SYNE2: variants seen among roughly 807,000 people sequenced by gnomAD.
SYNE2 encodes the protein spectrin repeat containing nuclear envelope protein 2, also known as nesprin-2.
A neutral mutation model predicts 856.3 loss-of-function variants in SYNE2; 431 were observed. The ratio of observed to expected loss-of-function variants is 0.50; its 90% CI spans 0.47 to 0.55. SYNE2 has a LOEUF of 0.55. Ranked by LOEUF, SYNE2 falls within the 20% of genes least tolerant of loss-of-function variation. The pLI is 0.00. For missense variants in SYNE2, 8,129 were observed against 8,023.2 expected (o/e 1.01, Z -0.50); for synonymous variants, 2,923 against 2,872.3 (o/e 1.02, Z -0.56).
intron 61 of SYNE2, among the ~76,000 whole-genome samples, 193 bp downstream of exon 61, chr14:64,093,673 TATC>T (rs975745404): frequency 1.3e-5 from 2 of 152,214 alleles, no homozygotes; most frequent in African/African-American, 4.8e-5. Context: ...ATTATATAAT[TATC>T]ATTACTAAAA....
chr14:63,965,972 A>T (rs1365552055), intron 10 of SYNE2, among the ~76,000 whole-genome samples: 1 of 152,336 alleles, frequency 6.6e-6, no homozygotes, highest in East Asian at 1.9e-4. Context: ...AGAAGGCTTT[A>T]TGAAGTCATT....
chr14:63,945,104 CTTTTT>C (rs34692882), intron 6 of SYNE2, among the ~76,000 whole-genome samples: 67 of 106,248 alleles, frequency 6.3e-4, no homozygotes, highest in African/African-American at 1.9e-3. Flanking sequence ...CACACCTGGC[CTTTTT>C]TTTTTTTTTT....
chr14:64,007,168 A>G lies in SYNE2; in HGVS notation c.4523A>G (p.Gln1508Arg), dbSNP rs374305796. Residue 1508 changes from glutamine to arginine, a missense_variant, in exon 31 of 116, where the codon CAG becomes CGG. Transcript: ENST00000555002. ...KDGREKTVNQ[Q>R]CQNTVVLWEN... ...GGCAGAGAAAAAACCGTGAATCAAC[A>G]GTGCCAAAATACAGTAGTCTTGTGG... 1.1e-5 allele frequency: 17 copies of G among 1,614,124 alleles called. No individual in the cohort carries two copies. The highest frequency in any genetic ancestry group is 1.4e-5 in the Non-Finnish European group (17 of 1,180,040).
chr14:63,936,436 C>T (rs184501899), intron 2 of SYNE2, among the ~76,000 whole-genome samples: 25 of 152,176 alleles, frequency 1.6e-4, no homozygotes, highest in Non-Finnish European at 2.8e-4. Flanking sequence ...AATTTTAGAT[C>T]GGACAGTCAG....
chr14:63,990,640 A>G, intron 20 of SYNE2, 71 bp downstream of exon 20: 1 of 1,347,130 alleles, frequency 7.4e-7, no homozygotes, highest in African/African-American at 1.4e-5. Context: ...TGGGCAGTGA[A>G]GGGGGGTGAT....
At chr14:64,129,552 A>G (rs1449965803) in intron 74 of SYNE2, among the ~76,000 whole-genome samples, 2 of 152,182 alleles carry the variant, frequency 1.3e-5, no homozygotes, top group Non-Finnish European at 2.9e-5. Flanking sequence ...GCTGTGGTGC[A>G]GTTCATTGAG....
At chr14:63,878,717 AT>A (rs1269897812) in intron 1 of SYNE2, among the ~76,000 whole-genome samples, 12 of 151,670 alleles carry the variant, frequency 7.9e-5, no homozygotes, top group African/African-American at 2.9e-4. Flanking sequence ...TAAATTTTGT[AT>A]TTTTAGTAGA....
chr14:63,974,890 G>GTATA lies in SYNE2; in HGVS notation c.1129-1672_1129-1671insATAT, dbSNP rs1281921502. On this transcript the variant is annotated intron_variant, in intron 11 of 115. Coordinates refer to ENST00000555002, the MANE Select transcript of SYNE2 (RefSeq NM_182914.3). ...TGTGTGTGTGTGTGTGTGTGTGTGTGTGTATATATATATATATATATATAT... is the reference window on the plus strand; with the variant it reads ...TGTGTGTGTGTGTGTGTGTGTGTGTGTATATGTATATATATATATATATATATAT... Among the ~76,000 whole-genome samples the GTATA allele has an allele frequency of 8.9e-3, 244 of 27,466 alleles. 1 individual carries two copies. The highest frequency in any genetic ancestry group is 0.013 in the Non-Finnish European group (185 of 14,078). 18.0% of individuals were successfully genotyped at this position (27,466 alleles called of 152,430 possible).
intron 94 of SYNE2, among the ~76,000 whole-genome samples, chr14:64,174,561 G>A (rs912636592): frequency 2.4e-4 from 36 of 152,172 alleles, no homozygotes; most frequent in Middle Eastern, 6.8e-3. Flanking sequence ...TTTGTTTAGC[G>A]TAATATAAGG....
chr14:63,957,264 A>ATT (rs4027476), intron 8 of SYNE2, among the ~76,000 whole-genome samples: 48,564 of 110,078 alleles, frequency 0.44, 11,793 homozygotes, highest in Non-Finnish European at 0.52. Context: ...TGCCCAGCTA[A>ATT]TTTTTTTTTT....
intron 1 of SYNE2, among the ~76,000 whole-genome samples, chr14:63,858,217 G>C (rs532457298): frequency 7.2e-6 from 1 of 138,678 alleles, no homozygotes; most frequent in South Asian, 2.5e-4. Context: ...CTGGGTTCTA[G>C]TGATTGTGGT....
Position 64,163,498 on chromosome 14 carries a change from A to G in SYNE2, c.16396A>G (p.Met5466Val), listed in dbSNP as rs145617923. 5.6e-6 allele frequency: 9 copies of G among 1,613,988 alleles called. No homozygotes were observed. Among genetic ancestry groups the G allele is most frequent in the African/African-American group, 2.7e-5 (2 of 74,900 alleles). The change falls in exon 89 of 116, where the codon ATG becomes GTG. Residue 5466 changes from methionine (M) to valine (V), a missense_variant. This residue lies in a region of SYNE2 where 5,410 missense variants were observed against 5,284.8 expected (regional missense o/e 1.02). Coordinates refer to ENST00000555002, the MANE Select transcript of SYNE2 (RefSeq NM_182914.3). ...ACAACCCGCAGAGTCCAGCACCCAC[A>G]TGCTCCTCCCGGGCCCCCTGCACTC... ...LPQPAESSTH[M>V]LLPGPLHSLQ... is the part of the protein sequence containing the mutation.
chr14:64,033,756 T>C (rs1490808862), intron 45 of SYNE2, among the ~76,000 whole-genome samples: 1 of 152,192 alleles, frequency 6.6e-6, no homozygotes, highest in Non-Finnish European at 1.5e-5. Flanking sequence ...TAAGAGTTAT[T>C]GATAGTTTAT....
Position 64,162,347 on chromosome 14 carries a change from C to T in SYNE2, c.16299+71C>T, listed in dbSNP as rs2098336177. ...CAGATGGGGTAAGGGACAGCCATGA[C>T]CTGGGGACCAGACAGACCACAGGGA... On this transcript the variant is annotated intron_variant, in intron 88 of 115. Transcript: ENST00000555002. The T allele has an allele frequency of 2.0e-6, 3 of 1,491,404 alleles. No homozygotes were observed. In the Admixed American group the frequency reaches 5.1e-5, roughly 25 times the overall value. 92.4% of individuals were successfully genotyped at this position (1,491,404 alleles called of 1,614,324 possible).
chr14:63,916,786 A>T (rs1029368174), intron 2 of SYNE2, among the ~76,000 whole-genome samples: 1 of 152,132 alleles, frequency 6.6e-6, no homozygotes, highest in Non-Finnish European at 1.5e-5. Flanking sequence ...GAGGAACACT[A>T]TTAATAAAAG....
chr14:64,188,833 G>C (rs767230373), intron 98 of SYNE2, 125 bp downstream of exon 98: 24 of 1,011,368 alleles, frequency 2.4e-5, no homozygotes, highest in Non-Finnish European at 3.2e-5. Context: ...AATTTGAAGG[G>C]ACTTCACTAT....
intron 2 of SYNE2, 58 bp downstream of exon 2, chr14:63,909,285 C>A: frequency 8.4e-7 from 1 of 1,189,774 alleles, no homozygotes; most frequent in Non-Finnish European, 1.3e-6. Flanking sequence ...TTACTTTTAT[C>A]TAGTTGCAAG....
At chr14:64,113,290 C>T (rs377712016) in intron 65 of SYNE2, 51 bp from the exon 66 acceptor site, 31 of 1,611,446 alleles carry the variant, frequency 1.9e-5, no homozygotes, top group Non-Finnish European at 2.4e-5. Context: ...TCTTTGCAGG[C>T]CCAAGTCTGA....
chr14:64,052,939 G>A lies in SYNE2; in HGVS notation c.9026G>A (p.Gly3009Glu). Residue 3009 changes from glycine to glutamate, a missense_variant, in exon 48 of 116, where the codon GGA (glycine) becomes GAA (glutamate). Gly to Glu is a moderately conservative substitution (Grantham distance 98). Around this residue, in one of 3 missense-constraint regions of SYNE2, gnomAD observed 5,410 missense variants for 5,284.8 expected, o/e 1.02. Coordinates refer to ENST00000555002, the MANE Select transcript of SYNE2 (RefSeq NM_182914.3). Reference protein sequence around the residue: ...LKLKKVFDYIGLNWDFSQLDQ... With the variant: ...LKLKKVFDYIELNWDFSQLDQ... ...CTTAAAAAAGTGTTTGACTATATTG[G>A]ACTAAACTGGGATTTTTCACAACTT... The A allele has an allele frequency of 6.2e-7, 1 of 1,611,564 alleles. No homozygotes were observed. The highest frequency in any genetic ancestry group is 8.5e-7 in the Non-Finnish European group (1 of 1,179,450).
Sources: gnomAD v4.1 joint callset for allele counts (sites outside exome capture counted in the v4.1 genomes callset) on GRCh38, gnomAD v4.1.1 for gene constraint, gnomAD v4.1.1 regional missense constraint, MANE v1.5 for transcripts, NCBI Gene and HGNC (gene_info 2026-07-23, HGNC 2026-07-21) for gene names.